RFX3: variants seen among roughly 807,000 people sequenced by gnomAD.
RFX3 encodes transcription factor RFX3.
Under a neutral mutation model 98.6 loss-of-function variants are expected in RFX3, and 14 were observed. The observed-to-expected ratio is 0.14, with a 90% CI of 0.09 to 0.22. The LOEUF is 0.22. Ranked by LOEUF, RFX3 falls within the 10% of genes least tolerant of loss-of-function variation. The pLI is 1.00. For missense variants in RFX3, 639 were observed against 926.9 expected, an observed-to-expected ratio of 0.69 and a Z score of 4.03; for synonymous variants, 383 against 328.4, an observed-to-expected ratio of 1.17 and a Z score of -1.80.
In RFX3 at chr9:3,337,627, T is replaced by C. The variant is rs926094987; in HGVS notation, c.216-7110A>G. Among the ~76,000 whole-genome samples, 3 of 152,128 alleles carry C rather than the reference T, an allele frequency of 2.0e-5. No homozygotes were observed. In the East Asian group the frequency reaches 5.8e-4, roughly 29 times the overall value. ...CAGGGGTAGCAATGGCAGACAGTCT[T>C]TGGGATGGCTGCAGTGGTGTGGTGT... On this transcript the variant is annotated intron_variant, in intron 3 of 16. Coordinates refer to ENST00000617270, the MANE Select transcript of RFX3 (RefSeq NM_001282116.2).
intron 2 of RFX3, among the ~76,000 whole-genome samples, chr9:3,349,534 A>G (rs1445267477): frequency 6.6e-6 from 1 of 152,102 alleles, no homozygotes; most frequent in Non-Finnish European, 1.5e-5. Flanking sequence ...ATATATTTGG[A>G]CAGATGACCC....
At chr9:3,234,477 A>C (rs944417193) in intron 15 of RFX3, among the ~76,000 whole-genome samples, 7 of 152,170 alleles carry the variant, frequency 4.6e-5, no homozygotes, top group African/African-American at 1.7e-4. Flanking sequence ...CATCTCTACA[A>C]AAAATACAAA....
chr9:3,264,047 G>C (rs1823284470), intron 12 of RFX3, among the ~76,000 whole-genome samples: 1 of 151,884 alleles, frequency 6.6e-6, no homozygotes, highest in Admixed American at 6.6e-5. Flanking sequence ...GCTAGCCCTG[G>C]GATGCTTTAC....
At chr9:3,297,893 C>T (rs1321198120) in intron 5 of RFX3, among the ~76,000 whole-genome samples, 1 of 151,710 alleles carries the variant, frequency 6.6e-6, no homozygotes, top group Non-Finnish European at 1.5e-5. Context: ...TTTCTGAATT[C>T]AAATTTACAA....
chr9:3,243,157 GTTTA>G (rs1820185755), intron 15 of RFX3, among the ~76,000 whole-genome samples: 1 of 151,680 alleles, frequency 6.6e-6, no homozygotes, highest in Non-Finnish European at 1.5e-5. Context: ...TTTTAAAATT[GTTTA>G]TTTAACAGGT....
chr9:3,449,634 C>T (rs1846387364), intron 1 of RFX3, among the ~76,000 whole-genome samples: 1 of 152,106 alleles, frequency 6.6e-6, no homozygotes, highest in Non-Finnish European at 1.5e-5. Flanking sequence ...CAAGGAGCTC[C>T]TGAGCTCAGG....
chr9:3,276,036 C>G (rs1187650073), intron 8 of RFX3, among the ~76,000 whole-genome samples: 2 of 152,060 alleles, frequency 1.3e-5, no homozygotes, highest in African/African-American at 4.8e-5. Context: ...ACCTAAAGAG[C>G]TACAAAGCAG....
At chr9:3,448,131 G>C (rs534782256) in intron 1 of RFX3, among the ~76,000 whole-genome samples, 1 of 151,916 alleles carries the variant, frequency 6.6e-6, no homozygotes, top group East Asian at 1.9e-4. Context: ...ATTTGCTCTT[G>C]AGATTTACTC....
chr9:3,377,264 A>G (rs1303993969), intron 2 of RFX3, among the ~76,000 whole-genome samples: 1 of 152,220 alleles, frequency 6.6e-6, no homozygotes, highest in African/African-American at 2.4e-5. Context: ...CCATGCAGCC[A>G]TAAAAAAGGA....
At chr9:3,376,075 G>A (rs921878677) in intron 2 of RFX3, among the ~76,000 whole-genome samples, 1 of 152,110 alleles carries the variant, frequency 6.6e-6, no homozygotes, top group African/African-American at 2.4e-5. Flanking sequence ...TGGTCAATAA[G>A]CACATAAGAA....
chr9:3,270,126 G>GAAAGAAAGAAAGAAAGAAAGAAAGAAAA (rs369052815), intron 11 of RFX3, among the ~76,000 whole-genome samples: 1 of 106,512 alleles, frequency 9.4e-6, no homozygotes, highest in Admixed American at 9.2e-5. Flanking sequence ...AAGAAAGAAA[G>GAAAGAAAGAAAGAAAGAAAGAAAGAAAA]GAAAGAAAGA....
intron 1 of RFX3, among the ~76,000 whole-genome samples, chr9:3,448,164 A>T (rs868004049): frequency 1.3e-4 from 16 of 121,898 alleles, no homozygotes; most frequent in Admixed American, 2.2e-4. Context: ...CACATGATTT[A>T]AAAAAAAAAA....
intron 1 of RFX3, among the ~76,000 whole-genome samples, chr9:3,521,528 A>G (rs1161826042): frequency 6.6e-6 from 1 of 152,216 alleles, no homozygotes; most frequent in African/African-American, 2.4e-5. Context: ...TGCATCTGTT[A>G]TAAGAAATAT....
chr9:3,378,941 C>T (rs1047195884), intron 2 of RFX3, among the ~76,000 whole-genome samples: 10 of 152,110 alleles, frequency 6.6e-5, no homozygotes, highest in East Asian at 1.9e-4. Flanking sequence ...TGACTGCTTA[C>T]GCTATTCAGA....
chr9:3,487,216 T>C (rs534070024), intron 1 of RFX3, among the ~76,000 whole-genome samples: 1 of 152,164 alleles, frequency 6.6e-6, no homozygotes, highest in Non-Finnish European at 1.5e-5. Flanking sequence ...TAACAACCAA[T>C]GTACTTAATT....
At position 3,425,305 on chromosome 9, in the gene RFX3, A is replaced by C. The variant is rs184046840; in HGVS notation, c.-8-29709T>G. ...TACGTGGCAAAAACAAACAAACTAG[A>C]AATGTGGTAGGATAAAAGTGTCAAA... On this transcript the variant is annotated intron_variant, in intron 1 of 16. Coordinates refer to ENST00000617270, the MANE Select transcript of RFX3 (RefSeq NM_001282116.2). Among the ~76,000 whole-genome samples the C allele has an allele frequency of 6.3e-4, 96 of 152,342 alleles. 1 individual carries two copies. The highest frequency in any genetic ancestry group is 3.0e-3 in the Admixed American group (46 of 15,304).
In RFX3 at chr9:3,408,593, G is replaced by GTCTCTCTCTCTC. The variant is rs746689896; in HGVS notation, c.-8-13009_-8-12998dup. 1.1e-3 allele frequency among the ~76,000 whole-genome samples: 156 copies of GTCTCTCTCTCTC among 148,010 alleles called. 1 individual carries two copies. The highest frequency in any genetic ancestry group is 2.7e-3 in the African/African-American group (111 of 40,364). On this transcript the variant is annotated intron_variant, in intron 1 of 16. Coordinates refer to ENST00000617270, the MANE Select transcript of RFX3 (RefSeq NM_001282116.2). ...TGCTGTAAGAGTTATCTCTGTCTCT[G>GTCTCTCTCTCTC]TCTCTCTCTCTCTCTCTCTCACACA...
chr9:3,372,732 C>T (rs150654059), intron 2 of RFX3, among the ~76,000 whole-genome samples: 11 of 151,858 alleles, frequency 7.2e-5, no homozygotes, highest in African/African-American at 2.4e-4. Flanking sequence ...AGTACAGGTG[C>T]CCGCCACCAC....
intron 2 of RFX3, among the ~76,000 whole-genome samples, chr9:3,356,436 C>A (rs911937512): frequency 2.6e-5 from 4 of 151,706 alleles, no homozygotes; most frequent in Non-Finnish European, 5.9e-5. Flanking sequence ...GCCTAAATGA[C>A]CAAAACTGGC....
Sources: gnomAD v4.1 joint callset for allele counts (sites outside exome capture counted in the v4.1 genomes callset) on GRCh38, gnomAD v4.1.1 for gene constraint, MANE v1.5 for transcripts, NCBI Gene and HGNC (gene_info 2026-07-23, HGNC 2026-07-21) for gene names.